Variants in B4GALNT3 observed in about 807,000 individuals in gnomAD.
B4GALNT3 encodes beta-1,4-N-acetyl-galactosaminyltransferase 3.
A neutral mutation model predicts 120.2 loss-of-function variants in B4GALNT3; 86 were observed. The ratio of observed to expected loss-of-function variants is 0.72; its 90% CI spans 0.60 to 0.86. B4GALNT3 has a LOEUF of 0.86. B4GALNT3 is among the 40% of genes least tolerant of loss of function. The probability of loss-of-function intolerance (pLI) is 0.00; values close to 1 mark genes in which losing one functional copy is unlikely to be tolerated. For missense variants in B4GALNT3, 1,167 were observed against 1,298.9 expected, an observed-to-expected ratio of 0.90 and a Z score of 1.56; for synonymous variants, 518 against 510.4, an observed-to-expected ratio of 1.01 and a Z score of -0.20.
At chr12:557,387 G>A (rs146470391) in intron 15 of B4GALNT3, among the ~76,000 whole-genome samples, 46 of 152,280 alleles carry the variant, frequency 3.0e-4, no homozygotes, top group Non-Finnish European at 5.9e-4. Context: ...TGGGAGGAGG[G>A]AACGTGGGGA....
chr12:526,510 C>T (rs1224887849), intron 1 of B4GALNT3, among the ~76,000 whole-genome samples: 3 of 152,294 alleles, frequency 2.0e-5, no homozygotes, highest in South Asian at 4.2e-4. Flanking sequence ...CCATGGGCTC[C>T]GGCCAGTCTT....
intron 1 of B4GALNT3, among the ~76,000 whole-genome samples, chr12:511,300 ACCTTCCACCTTCCG>A (rs1946549658): frequency 2.1e-5 from 1 of 47,350 alleles, no homozygotes; most frequent in South Asian, 8.5e-4. Flanking sequence ...TCGACCTTCC[ACCTTCCACCTTCCG>A]CCTTCTGCCT....
At chr12:512,194 C>CCTTCCACCTTCCACCTTCTTCCACCTT (rs1946583949) in intron 1 of B4GALNT3, among the ~76,000 whole-genome samples, 1 of 88,750 alleles carries the variant, frequency 1.1e-5, no homozygotes, top group African/African-American at 5.8e-5. Flanking sequence ...CCACCTTCCG[C>CCTTCCACCTTCCACCTTCTTCCACCTT]CTTCCACCTT....
At chr12:496,316 G>A (rs1243990427) in intron 1 of B4GALNT3, among the ~76,000 whole-genome samples, 1 of 152,086 alleles carries the variant, frequency 6.6e-6, no homozygotes, top group Non-Finnish European at 1.5e-5. Context: ...CTTTTAAAGG[G>A]TACAATTCAG....
At position 556,828 on chromosome 12, in the gene B4GALNT3, C is replaced by T. The variant is rs748922508; in HGVS notation, c.2342C>T (p.Ser781Phe). 6.2e-7 allele frequency: 1 copy of T among 1,610,128 alleles called. No individual in the cohort carries two copies. Among genetic ancestry groups the T allele is most frequent in the Non-Finnish European group, 8.5e-7 (1 of 1,176,974 alleles). ...AAGCTGTGCTGGCCTCAGGGTTTCT[C>T]CTGGAGTCACCGAGCCGTGGTCCAC... ...EPKLCWPQGF[S>F]WSHRAVVHFV... Residue 781 changes from serine (S) to phenylalanine (F), a missense_variant, in exon 15 of 20, where the codon TCC becomes TTC. Ser to Phe is a radical substitution (Grantham distance 155, BLOSUM62 -2). Transcript: ENST00000266383.
chr12:481,257 C>T (rs1484763764), intron 1 of B4GALNT3, among the ~76,000 whole-genome samples: 4 of 152,164 alleles, frequency 2.6e-5, no homozygotes, highest in Non-Finnish European at 5.9e-5. Context: ...TGAGCATCCC[C>T]GTGGCGTTCT....
chr12:532,600 CT>C (rs1412214193), intron 1 of B4GALNT3, among the ~76,000 whole-genome samples: 6 of 152,216 alleles, frequency 3.9e-5, no homozygotes, highest in African/African-American at 1.2e-4. Flanking sequence ...CCTAATGGGA[CT>C]CTTGCTAAAG....
intron 1 of B4GALNT3, among the ~76,000 whole-genome samples, chr12:480,440 C>T (rs12830976): frequency 0.01 from 657 of 65,232 alleles, 1 homozygote; most frequent in South Asian, 0.021. Context: ...GGTGTGGTTC[C>T]TGAGGTCCCT....
In B4GALNT3 at chr12:552,169, A is replaced by T; in HGVS notation, c.1208+6A>T. 1 of 1,594,104 alleles carries T rather than the reference A, an allele frequency of 6.3e-7. No individual in the cohort carries two copies. The highest frequency in any genetic ancestry group is 8.6e-7 in the Non-Finnish European group (1 of 1,161,936). On this transcript the variant is annotated splice_donor_region_variant and intron_variant, in intron 12 of 19. Coordinates refer to ENST00000266383, the MANE Select transcript of B4GALNT3 (RefSeq NM_173593.4). The stretch of plus-strand genomic sequence containing the variant: ...AACGCCTACTACCAAGACCGGTGAG[A>T]GACACTGAGTGGGGCAGGAAGGTGA...
chr12:530,905 C>T (rs1437164745), intron 1 of B4GALNT3, among the ~76,000 whole-genome samples: 1 of 152,112 alleles, frequency 6.6e-6, no homozygotes, highest in Non-Finnish European at 1.5e-5. Context: ...ATATGAGGCC[C>T]ACGGTGGTGC....
chr12:543,720 C>T (rs112315959), intron 3 of B4GALNT3, among the ~76,000 whole-genome samples: 1,230 of 57,180 alleles, frequency 0.022, 66 homozygotes, highest in Non-Finnish European at 0.03. Context: ...GGTGCTCATC[C>T]TCCTGGAACT....
chr12:524,702 A>G (rs1301071606), intron 1 of B4GALNT3, among the ~76,000 whole-genome samples: 1 of 152,096 alleles, frequency 6.6e-6, no homozygotes, highest in East Asian at 1.9e-4. Flanking sequence ...TCCATTATCT[A>G]GATGTTGTAG....
intron 6 of B4GALNT3, 38 bp from the exon 7 acceptor site, chr12:546,608 T>A: frequency 3.3e-6 from 5 of 1,536,622 alleles, no homozygotes; most frequent in South Asian, 2.4e-5. Flanking sequence ...TCCTGTTTTC[T>A]CTGTTCCTCC....
At chr12:507,917 C>T (rs1946513914) in intron 1 of B4GALNT3, among the ~76,000 whole-genome samples, 1 of 152,008 alleles carries the variant, frequency 6.6e-6, no homozygotes, top group Non-Finnish European at 1.5e-5. Flanking sequence ...GCTTGGTGGA[C>T]ACCTGCCCCT....
At chr12:542,896 A>T (rs977578704) in intron 3 of B4GALNT3, among the ~76,000 whole-genome samples, 1 of 152,152 alleles carries the variant, frequency 6.6e-6, no homozygotes, top group African/African-American at 2.4e-5. Flanking sequence ...GCTGCTTCCC[A>T]AGGGGAGCCA....
At chr12:517,771 A>G (rs918259325) in intron 1 of B4GALNT3, among the ~76,000 whole-genome samples, 1 of 152,146 alleles carries the variant, frequency 6.6e-6, no homozygotes, top group Non-Finnish European at 1.5e-5. Flanking sequence ...TGGGGAAAGC[A>G]TAGGAGAGGC....
intron 1 of B4GALNT3, among the ~76,000 whole-genome samples, chr12:530,257 G>C (rs909280634): frequency 2.6e-5 from 4 of 152,276 alleles, no homozygotes; most frequent in African/African-American, 9.6e-5. Context: ...GCCCTGGCGT[G>C]TGATGGGTCA....
intron 15 of B4GALNT3, 121 bp downstream of exon 15, chr12:556,987 T>C: frequency 2.9e-6 from 3 of 1,048,132 alleles, no homozygotes; most frequent in South Asian, 1.7e-5. Context: ...CACCTTATAG[T>C]TGAGGAAACT....
chr12:516,007 G>A (rs1029435244), intron 1 of B4GALNT3, among the ~76,000 whole-genome samples: 5 of 152,038 alleles, frequency 3.3e-5, no homozygotes, highest in Non-Finnish European at 4.4e-5. Context: ...TTAGCCAGGC[G>A]TGGTGGCGGG....
Sources: allele counts gnomAD v4.1 joint callset (sites outside exome capture counted in the v4.1 genomes callset), GRCh38; gene constraint gnomAD v4.1.1; transcripts MANE v1.5; gene names NCBI Gene and HGNC (gene_info 2026-07-23, HGNC 2026-07-21).